Variants in SNX29 observed in about 807,000 individuals in gnomAD.
The protein encoded by SNX29 is sorting nexin 29, also known as sorting nexin-29.
SNX29 carries 78 observed loss-of-function variants against 102.1 expected under a neutral mutation model. That is an observed-to-expected ratio of 0.76 (90% confidence interval 0.64 to 0.92). The LOEUF is 0.92. SNX29 is among the 40% of genes least tolerant of loss of function. The pLI, the probability that SNX29 is intolerant of heterozygous loss-of-function variation, is 0.00. For synonymous variants in SNX29, 580 were observed against 414.5 expected (o/e 1.40, Z -4.85); for missense variants, 1,280 against 1,061.7 (o/e 1.21, Z -2.86).
intron 1 of SNX29, among the ~76,000 whole-genome samples, chr16:11,979,003 T>C (rs1430410801): frequency 6.6e-6 from 1 of 151,822 alleles, no homozygotes; most frequent in Non-Finnish European, 1.5e-5. Flanking sequence ...CTGCTGGGTG[T>C]GATGGCTCAC....
intron 11 of SNX29, among the ~76,000 whole-genome samples, chr16:12,084,750 G>T (rs1408263266): frequency 6.6e-6 from 1 of 152,156 alleles, no homozygotes; most frequent in African/African-American, 2.4e-5. Flanking sequence ...GATGTGCTTA[G>T]AACAGCATCA....
At chr16:12,202,167 C>T (rs907494263) in intron 14 of SNX29, among the ~76,000 whole-genome samples, 30 of 152,128 alleles carry the variant, frequency 2.0e-4, no homozygotes, top group Middle Eastern at 3.2e-3. Flanking sequence ...AGGATTTAAA[C>T]AAAACAACTT....
At chr16:12,559,822 C>T (rs1037943888) in intron 20 of SNX29, among the ~76,000 whole-genome samples, 2 of 152,142 alleles carry the variant, frequency 1.3e-5, no homozygotes, top group Non-Finnish European at 2.9e-5. Flanking sequence ...TTTCCATCAT[C>T]ATCTCTGGCA....
At chr16:12,167,724 C>G (rs1309681447) in intron 13 of SNX29, among the ~76,000 whole-genome samples, 1 of 152,226 alleles carries the variant, frequency 6.6e-6, no homozygotes, top group Admixed American at 6.5e-5. Flanking sequence ...GAAGTCATCA[C>G]TTGTTGAAGG....
At chr16:12,275,515 T>TTAGAA (rs1355804018) in intron 14 of SNX29, among the ~76,000 whole-genome samples, 2 of 152,214 alleles carry the variant, frequency 1.3e-5, no homozygotes. Flanking sequence ...TCCAGAGGTG[T>TTAGAA]CTTGTGCTAA....
At chr16:12,455,162 C>T (rs1049885140) in intron 18 of SNX29, among the ~76,000 whole-genome samples, 33 of 152,298 alleles carry the variant, frequency 2.2e-4, no homozygotes, top group African/African-American at 7.9e-4. Context: ...CCTCCTCCTT[C>T]TAGACGACCT....
chr16:12,495,178 T>A (rs13339489), intron 19 of SNX29, among the ~76,000 whole-genome samples: 3,964 of 152,200 alleles, frequency 0.026, 171 homozygotes, highest in African/African-American at 0.089. Flanking sequence ...TTTTTTTGAG[T>A]CTTGCTCTGT....
rs574718847 is a variant in SNX29, at chr16:12,557,704, G to C, written c.2319-10802G>C. On this transcript the variant is annotated intron_variant, in intron 20 of 20. Transcript: ENST00000566228. The stretch of plus-strand genomic sequence containing the variant: ...GAGTGGCAGTGCAGTAGGCTCGTTT[G>C]ATACCAGCATCACCTCAGATGCAGG... The C allele has an allele frequency of 4.6e-5, 7 of 152,314 alleles. No individual in the cohort carries two copies. In the East Asian group the frequency reaches 5.8e-4, roughly 13 times the overall value. The allele number at this position is 152,314 out of a possible 1,614,324, so 9.4% of individuals were successfully genotyped here. A position where few individuals can be genotyped will look rare whatever the true frequency, so the allele number is the denominator to read the frequency against.
intron 20 of SNX29, among the ~76,000 whole-genome samples, chr16:12,543,323 C>G (rs1407472578): frequency 3.9e-5 from 6 of 152,140 alleles, no homozygotes; most frequent in Admixed American, 2.0e-4. Context: ...CCTTGATTAG[C>G]CAAATCTGGG....
intron 20 of SNX29, among the ~76,000 whole-genome samples, chr16:12,531,356 C>G (rs1425040699): frequency 1.3e-5 from 2 of 152,162 alleles, no homozygotes; most frequent in African/African-American, 2.4e-5. Context: ...GAAGAGCACG[C>G]CAGGACTGGG....
intron 16 of SNX29, among the ~76,000 whole-genome samples, chr16:12,363,331 A>G (rs1415267193): frequency 2.0e-5 from 3 of 151,964 alleles, no homozygotes; most frequent in East Asian, 3.9e-4. Context: ...AGAGGCATCT[A>G]TTTATGGGAA....
At chr16:12,176,210 A>G (rs112549567) in intron 13 of SNX29, among the ~76,000 whole-genome samples, 2,422 of 152,292 alleles carry the variant, frequency 0.016, 62 homozygotes, top group African/African-American at 0.056. Context: ...TGTGGTTTCA[A>G]CTGCCCAGTC....
chr16:12,056,043 G>C (rs533606255), intron 8 of SNX29, among the ~76,000 whole-genome samples: 3 of 151,920 alleles, frequency 2.0e-5, no homozygotes, highest in Admixed American at 2.0e-4. Flanking sequence ...CACTATACCC[G>C]GCTAATTTTT....
intron 14 of SNX29, among the ~76,000 whole-genome samples, chr16:12,275,325 C>T (rs1264360212): frequency 1.3e-5 from 2 of 152,140 alleles, no homozygotes; most frequent in African/African-American, 4.8e-5. Flanking sequence ...GGGAGAAACT[C>T]AGAAGTTCAG....
chr16:12,480,190 A>C (rs917347361), intron 19 of SNX29, among the ~76,000 whole-genome samples: 1 of 152,264 alleles, frequency 6.6e-6, no homozygotes, highest in South Asian at 2.1e-4. Flanking sequence ...GACTAAAACA[A>C]ATTCATTATC....
At chr16:11,981,212 C>T (rs532335650) in intron 1 of SNX29, among the ~76,000 whole-genome samples, 3 of 152,162 alleles carry the variant, frequency 2.0e-5, no homozygotes, top group Non-Finnish European at 2.9e-5. Flanking sequence ...TCAAGTGGTC[C>T]GCCTACCTCA....
intron 18 of SNX29, among the ~76,000 whole-genome samples, chr16:12,423,268 A>G (rs1597328993): frequency 6.6e-6 from 1 of 152,188 alleles, no homozygotes; most frequent in East Asian, 1.9e-4. Context: ...AACATTCATC[A>G]CATAAACGTA....
chr16:12,448,616 C>A (rs973305107), intron 18 of SNX29, among the ~76,000 whole-genome samples: 2 of 152,060 alleles, frequency 1.3e-5, no homozygotes, highest in East Asian at 1.9e-4. Context: ...CAGATGACTT[C>A]TTTTTTTTCC....
rs1207075626 is a variant in SNX29, at chr16:12,464,253, A to G, written c.2038-13466A>G. Among the ~76,000 whole-genome samples, 5 of 121,914 alleles carry G rather than the reference A, an allele frequency of 4.1e-5. No individual in the cohort carries two copies. In the East Asian group the frequency reaches 1.4e-3, roughly 34 times the overall value. The allele number at this position is 121,914 out of a possible 152,430, so 80.0% of individuals were successfully genotyped here. ...GCGTGTGTGTGTGTGTGTACCACAT[A>G]TATTCCATATGTGGCATGTTTATGT... On this transcript the variant is annotated intron_variant, in intron 18 of 20. Transcript: ENST00000566228.
Sources: gnomAD v4.1 joint callset for allele counts (sites outside exome capture counted in the v4.1 genomes callset) on GRCh38, gnomAD v4.1.1 for gene constraint, MANE v1.5 for transcripts, NCBI Gene and HGNC (gene_info 2026-07-23, HGNC 2026-07-21) for gene names.